The following TRAPPC12 variants were observed in gnomAD, a reference collection of about 807,000 sequenced individuals.
TRAPPC12 encodes the protein TPR repeat protein 15.
TRAPPC12 carries 61 observed loss-of-function variants against 69.2 expected under a neutral mutation model. The ratio of observed to expected loss-of-function variants is 0.88; its 90% CI spans 0.72 to 1.09. TRAPPC12 has a LOEUF of 1.09. TRAPPC12 is among the 50% of genes least tolerant of loss of function. The probability of loss-of-function intolerance (pLI) is 0.00; values close to 1 mark genes in which losing one functional copy is unlikely to be tolerated. For missense variants in TRAPPC12, 1,101 were observed against 1,016.4 expected (o/e 1.08, Z -1.13); for synonymous variants, 469 against 438.9 (o/e 1.07, Z -0.86).
At chr2:3,421,286 G>A (rs1288001761) in intron 3 of TRAPPC12, among the ~76,000 whole-genome samples, 2 of 152,196 alleles carry the variant, frequency 1.3e-5, no homozygotes, top group African/African-American at 2.4e-5. Flanking sequence ...GTACCAGCCA[G>A]CCTTTCCATG....
intron 3 of TRAPPC12, among the ~76,000 whole-genome samples, chr2:3,402,849 G>A (rs1321090907): frequency 2.0e-5 from 3 of 152,188 alleles, no homozygotes; most frequent in East Asian, 1.9e-4. Flanking sequence ...TCCTTAGGGG[G>A]CTGTGGAATT....
At chr2:3,413,656 A>T (rs1662183508) in intron 3 of TRAPPC12, among the ~76,000 whole-genome samples, 1 of 152,206 alleles carries the variant, frequency 6.6e-6, no homozygotes, top group African/African-American at 2.4e-5. Context: ...GACGACAAGG[A>T]TGCATCTGAG....
At chr2:3,418,133 A>C (rs1213924594) in intron 3 of TRAPPC12, among the ~76,000 whole-genome samples, 1 of 151,932 alleles carries the variant, frequency 6.6e-6, no homozygotes, top group Non-Finnish European at 1.5e-5. Context: ...GGCTGAGGTG[A>C]GTAGATCACT....
intron 2 of TRAPPC12, among the ~76,000 whole-genome samples, chr2:3,396,240 T>C (rs575203174): frequency 1.2e-5 from 1 of 86,702 alleles, no homozygotes; most frequent in East Asian, 2.4e-4. Flanking sequence ...GGTTGACAGG[T>C]TTTTTTTTTT....
intron 3 of TRAPPC12, among the ~76,000 whole-genome samples, chr2:3,409,781 G>GAA (rs1661951327): frequency 2.4e-5 from 3 of 123,502 alleles, no homozygotes; most frequent in Non-Finnish European, 3.4e-5. Flanking sequence ...AAAAAAAAGG[G>GAA]GAAGAAATGA....
intron 5 of TRAPPC12, among the ~76,000 whole-genome samples, chr2:3,430,877 GGT>G (rs1183314396): frequency 3.3e-5 from 5 of 152,148 alleles, no homozygotes. Context: ...CCTTCCGCTG[GGT>G]GTGGGAGGAG....
At chr2:3,390,808 A>G (rs1660780427) in intron 2 of TRAPPC12, among the ~76,000 whole-genome samples, 1 of 152,270 alleles carries the variant, frequency 6.6e-6, no homozygotes, top group South Asian at 2.1e-4. Context: ...AGGTGCGTTG[A>G]TCATGGGGAA....
intron 5 of TRAPPC12, among the ~76,000 whole-genome samples, chr2:3,442,874 G>A (rs1158416439): frequency 2.0e-5 from 3 of 152,148 alleles, no homozygotes; most frequent in Admixed American, 1.3e-4. Context: ...AATATTCATC[G>A]CTTAGGCCTA....
chr2:3,434,719 C>T (rs1448074186), intron 5 of TRAPPC12, among the ~76,000 whole-genome samples: 1 of 152,200 alleles, frequency 6.6e-6, no homozygotes, highest in African/African-American at 2.4e-5. Flanking sequence ...ACAGTCTCTG[C>T]AGAGCGGCTG....
intron 9 of TRAPPC12, among the ~76,000 whole-genome samples, chr2:3,477,021 C>G (rs1441656987): frequency 6.6e-6 from 1 of 152,228 alleles, no homozygotes; most frequent in Non-Finnish European, 1.5e-5. Context: ...CTTCCTTACA[C>G]TTCTAGAGGT....
At chr2:3,393,941 GT>G (rs1251885829) in intron 2 of TRAPPC12, among the ~76,000 whole-genome samples, 1 of 152,218 alleles carries the variant, frequency 6.6e-6, no homozygotes, top group Admixed American at 6.5e-5. Flanking sequence ...AAAATGAAAG[GT>G]TTTGGTAAGT....
chr2:3,423,762 T>C (rs1211025818), intron 4 of TRAPPC12, among the ~76,000 whole-genome samples: 1 of 152,212 alleles, frequency 6.6e-6, no homozygotes, highest in Admixed American at 6.5e-5. Flanking sequence ...TGAAATTCAT[T>C]CTTCTCATCA....
intron 9 of TRAPPC12, among the ~76,000 whole-genome samples, chr2:3,476,564 G>A (rs1666298855): frequency 6.6e-6 from 1 of 152,218 alleles, no homozygotes; most frequent in South Asian, 2.1e-4. Flanking sequence ...CTCTAAACAG[G>A]CATCCTTGTG....
intron 3 of TRAPPC12, among the ~76,000 whole-genome samples, chr2:3,417,062 ATCTCCAG>A (rs1399121370): frequency 2.6e-5 from 4 of 151,986 alleles, no homozygotes; most frequent in Non-Finnish European, 4.4e-5. Flanking sequence ...CCAAACCTGC[ATCTCCAG>A]TGTCTTCTCT....
At chr2:3,459,404 C>A (rs896586275) in intron 7 of TRAPPC12, among the ~76,000 whole-genome samples, 1 of 152,216 alleles carries the variant, frequency 6.6e-6, no homozygotes, top group Non-Finnish European at 1.5e-5. Flanking sequence ...TAGCTCAGTC[C>A]TCAACCTGCG....
intron 6 of TRAPPC12, among the ~76,000 whole-genome samples, chr2:3,446,896 G>C (rs1664539389): frequency 6.6e-6 from 1 of 152,196 alleles, no homozygotes; most frequent in Admixed American, 6.5e-5. Context: ...AATACATCAT[G>C]ATCCTCCAGA....
chr2:3,466,956 C>T (rs1313395977), intron 9 of TRAPPC12, among the ~76,000 whole-genome samples: 1 of 152,238 alleles, frequency 6.6e-6, no homozygotes, highest in Non-Finnish European at 1.5e-5. Flanking sequence ...TCAGATTCCT[C>T]ACTACCCTGG....
At chr2:3,442,987 G>A (rs1387204230) in intron 5 of TRAPPC12, among the ~76,000 whole-genome samples, 1 of 152,114 alleles carries the variant, frequency 6.6e-6, no homozygotes, top group Non-Finnish European at 1.5e-5. Flanking sequence ...TTTGATGATT[G>A]TTATCTACTT....
At chr2:3,464,576 G>A (rs968700933) in intron 8 of TRAPPC12, among the ~76,000 whole-genome samples, 12 of 152,244 alleles carry the variant, frequency 7.9e-5, no homozygotes, top group Non-Finnish European at 1.2e-4. Context: ...ACTGCTGACC[G>A]CGTGCTTATA....
Sources: allele counts gnomAD v4.1 joint callset (sites outside exome capture counted in the v4.1 genomes callset), GRCh38; gene constraint gnomAD v4.1.1; transcripts MANE v1.5; gene names NCBI Gene and HGNC (gene_info 2026-07-23, HGNC 2026-07-21).